The following KIRREL3 variants were observed in gnomAD, a reference collection of about 807,000 sequenced individuals.
KIRREL3 encodes kirre like nephrin family adhesion molecule 3.
Under a neutral mutation model 89.7 loss-of-function variants are expected in KIRREL3, and 36 were observed. That is an observed-to-expected ratio of 0.40 (90% CI 0.31 to 0.53). KIRREL3 has a LOEUF of 0.53. Ranked by LOEUF, KIRREL3 falls within the 20% of genes least tolerant of loss-of-function variation. KIRREL3 has a pLI of 0.49. For synonymous variants in KIRREL3, 445 were observed against 441.4 expected (o/e 1.01, Z -0.10); for missense variants, 864 against 1,056.6 (o/e 0.82, Z 2.53).
intron 1 of KIRREL3, among the ~76,000 whole-genome samples, chr11:126,838,680 T>A (rs775740079): frequency 5.6e-4 from 86 of 152,236 alleles, no homozygotes; most frequent in Non-Finnish European, 1.0e-3. Flanking sequence ...ATGTATTTTT[T>A]TCCTTTAATT....
At position 126,896,919 on chromosome 11, in the gene KIRREL3, T is replaced by C. The variant is rs564546891; in HGVS notation, c.55+103536A>G. ...TCTTAACAGGCATTGCCATTTCTTT[T>C]GCTTGATATTTCTGGCTCCTTTCTT... On this transcript the variant is annotated intron_variant, in intron 1 of 16. Coordinates refer to ENST00000525144, the MANE Select transcript of KIRREL3 (RefSeq NM_032531.4). The surrounding 1 kb of genome is among the most constrained non-coding windows in gnomAD (Gnocchi z 4.1). Among the ~76,000 whole-genome samples, 171 of 152,260 alleles carry C rather than the reference T, an allele frequency of 1.1e-3. 5 individuals are homozygous for C. The South Asian group carries it at 0.033, about 30-fold the overall frequency.
chr11:126,841,016 T>C (rs1943947111), intron 1 of KIRREL3, among the ~76,000 whole-genome samples: 1 of 152,230 alleles, frequency 6.6e-6, no homozygotes, highest in Non-Finnish European at 1.5e-5. Context: ...GTCAACAGCA[T>C]ATTGTTATTG....
rs73013405 is a variant in KIRREL3, at chr11:126,492,931, C to T, written c.434-19465G>A. On this transcript the variant is annotated intron_variant, in intron 4 of 16. Transcript: ENST00000525144. The surrounding 1 kb of genome is among the most constrained non-coding windows in gnomAD (Gnocchi z 4.8). ...GGTGGAGGAATTAAGTTAGACATGC[C>T]GCAGAACTTCCTGGCCGTGGGCTGA... Among the ~76,000 whole-genome samples the T allele has an allele frequency of 0.036, 5,530 of 152,232 alleles. 129 individuals carry two copies. Among genetic ancestry groups the T allele is most frequent in the South Asian group, 0.1 (497 of 4,816 alleles).
chr11:126,691,127 A>G (rs1288951445), intron 1 of KIRREL3, among the ~76,000 whole-genome samples: 4 of 152,204 alleles, frequency 2.6e-5, no homozygotes, highest in Non-Finnish European at 4.4e-5. Flanking sequence ...TGTTAAGAGT[A>G]TGGAAGTATG....
At chr11:126,460,910 A>G (rs1159588878) in intron 6 of KIRREL3, among the ~76,000 whole-genome samples, 1 of 152,182 alleles carries the variant, frequency 6.6e-6, no homozygotes, top group Non-Finnish European at 1.5e-5. Context: ...CATTTTGTAC[A>G]GGCCTCCTGA....
At chr11:126,934,019 A>G (rs1222673280) in intron 1 of KIRREL3, among the ~76,000 whole-genome samples, 2 of 151,970 alleles carry the variant, frequency 1.3e-5, no homozygotes, top group African/African-American at 2.4e-5. Flanking sequence ...AAAAAAATGC[A>G]AAAGAACAAA....
chr11:126,472,147 A>G (rs1374658668), intron 5 of KIRREL3, among the ~76,000 whole-genome samples: 2 of 152,218 alleles, frequency 1.3e-5, no homozygotes, highest in African/African-American at 4.8e-5. Context: ...TAGTATAAGT[A>G]TGGCTTGTGA....
intron 1 of KIRREL3, among the ~76,000 whole-genome samples, chr11:126,875,590 TA>T (rs1488586005): frequency 6.6e-6 from 1 of 152,212 alleles, no homozygotes; most frequent in East Asian, 1.9e-4. Context: ...ATCAGATAAT[TA>T]AGATGCTACC....
intron 1 of KIRREL3, among the ~76,000 whole-genome samples, chr11:126,626,413 A>G (rs1943785074): frequency 6.6e-6 from 1 of 152,248 alleles, no homozygotes; most frequent in Non-Finnish European, 1.5e-5. Flanking sequence ...TGAAACATTC[A>G]GTAACCAGCA....
rs1958424820 is a variant in KIRREL3 at position 126,516,879 on chromosome 11, G to A, written c.433+4436C>T. On this transcript the variant is annotated intron_variant, in intron 4 of 16. Coordinates refer to ENST00000525144, the MANE Select transcript of KIRREL3 (RefSeq NM_032531.4). The surrounding 1 kb of genome is among the most constrained non-coding windows in gnomAD (Gnocchi z 4.9). ...AGGCCAAGATGGGTGGATCACTTGA[G>A]GTCAAGTGTTCGAGACCAGCCTGGG... Among the ~76,000 whole-genome samples the A allele has an allele frequency of 6.6e-6, 1 of 152,146 alleles. No homozygotes were observed. The highest frequency in any genetic ancestry group is 1.5e-5 in the Non-Finnish European group (1 of 68,026).
chr11:126,446,736 C>T (rs758926431), intron 9 of KIRREL3, 23 bp downstream of exon 9: 36 of 1,588,172 alleles, frequency 2.3e-5, no homozygotes, highest in East Asian at 4.6e-5. Flanking sequence ...AGAGGTGCCC[C>T]GAGGTCTGAG....
chr11:126,921,601 T>TCTTC (rs149970819), intron 1 of KIRREL3, among the ~76,000 whole-genome samples: 54 of 38,322 alleles, frequency 1.4e-3, no homozygotes, highest in African/African-American at 7.3e-3. Context: ...TATCTATCTA[T>TCTTC]CTATCTATCT....
chr11:126,582,550 T>G (rs1209569581), intron 1 of KIRREL3, among the ~76,000 whole-genome samples: 2 of 152,184 alleles, frequency 1.3e-5, no homozygotes, highest in Non-Finnish European at 2.9e-5. Flanking sequence ...CTCCCCAGTC[T>G]GAATTCCACG....
chr11:126,568,787 G>A lies in KIRREL3; in HGVS notation c.56-5875C>T, dbSNP rs1226141399. On this transcript the variant is annotated intron_variant, in intron 1 of 16. Transcript: ENST00000525144. The surrounding 1 kb of genome is among the most constrained non-coding windows in gnomAD (Gnocchi z 4.6). ...TGCCCAGAATGAAGTACCTAATAAG[G>A]GTGAGTTCAATAAATAGAAACAAAA... Among the ~76,000 whole-genome samples the A allele has an allele frequency of 6.6e-6, 1 of 152,020 alleles. No individual in the cohort carries two copies. The highest frequency in any genetic ancestry group is 1.9e-4 in the East Asian group (1 of 5,174).
At chr11:126,504,839 G>C (rs1034180076) in intron 4 of KIRREL3, among the ~76,000 whole-genome samples, 2 of 152,168 alleles carry the variant, frequency 1.3e-5, no homozygotes, top group Non-Finnish European at 2.9e-5. Flanking sequence ...AGGAATTCAA[G>C]GTTGGCTTAA....
chr11:126,443,492 C>A lies in KIRREL3; in HGVS notation c.1252+1487G>T, dbSNP rs910064329. Among the ~76,000 whole-genome samples, 4 of 152,058 alleles carry A rather than the reference C, an allele frequency of 2.6e-5. No individual in the cohort carries two copies. The highest frequency in any genetic ancestry group is 4.8e-5 in the African/African-American group (2 of 41,376). On this transcript the variant is annotated intron_variant, in intron 10 of 16. Transcript: ENST00000525144. This position sits in a 1 kb window ranked among gnomAD's most constrained non-coding sequence, Gnocchi z 7.3. ...ACACTCAGGAAAGGCAGGAGGGCTC[C>A]GACTCAGGGCTCTGCCAGGACAGGT...
rs1303637615 is a variant in KIRREL3 at position 126,526,173 on chromosome 11, G to A, written c.283+365C>T. ...TGTGACTTGTATTTCCTTAATAATT[G>A]TGCCTTAATAAATGGGGGATACATC... is the stretch of plus-strand genomic sequence containing the variant. On this transcript the variant is annotated intron_variant, in intron 3 of 16. Transcript: ENST00000525144. The surrounding 1 kb of genome is among the most constrained non-coding windows in gnomAD (Gnocchi z 5.7). Among the ~76,000 whole-genome samples, 1 of 152,140 alleles carries A rather than the reference G, an allele frequency of 6.6e-6. No individual in the cohort carries two copies. Among genetic ancestry groups the A allele is most frequent in the African/African-American group, 2.4e-5 (1 of 41,422 alleles).
intron 1 of KIRREL3, among the ~76,000 whole-genome samples, chr11:126,816,996 G>GT (rs1951595243): frequency 6.6e-6 from 1 of 152,180 alleles, no homozygotes; most frequent in Non-Finnish European, 1.5e-5. Context: ...AAGGAAACAC[G>GT]TTACTTTAGG....
rs1955739409 is a variant in KIRREL3 at position 126,445,097 on chromosome 11, G to C, written c.1134C>G (p.Ser378Arg). The C allele has an allele frequency of 6.2e-7, 1 of 1,613,856 alleles. No individual in the cohort carries two copies. The highest frequency in any genetic ancestry group is 1.3e-5 in the African/African-American group (1 of 74,944). Residue 378 changes from serine to arginine, a missense_variant, in exon 10 of 17, where the codon AGC becomes AGG. Ser to Arg is a moderately radical substitution (Grantham distance 110, BLOSUM62 -1). Coordinates refer to ENST00000525144, the MANE Select transcript of KIRREL3 (RefSeq NM_032531.4). The stretch of plus-strand genomic sequence containing the variant: ...ATTTGAGGGTCAGGGTCTTCTCATT[G>C]CTCAGGACCTAGGAGAATTGGCAGG... ...WMKRGSGVVL[S>R]NEKTLTLKSV...
Sources: gnomAD v4.1 joint callset for allele counts (sites outside exome capture counted in the v4.1 genomes callset) on GRCh38, gnomAD v4.1.1 for gene constraint, Gnocchi (gnomAD v3.1) non-coding constraint, MANE v1.5 for transcripts, NCBI Gene and HGNC (gene_info 2026-07-23, HGNC 2026-07-21) for gene names.